The following WARS2 variants were observed in gnomAD, a reference collection of about 807,000 sequenced individuals.
The protein encoded by WARS2 is tryptophanyl tRNA synthetase 2, mitochondrial.
A neutral mutation model predicts 36.5 loss-of-function variants in WARS2; 28 were observed. That is an observed-to-expected ratio of 0.77 (90% CI 0.57 to 1.05). The LOEUF (loss-of-function observed/expected upper bound fraction) is 1.05, where lower values mean the gene tolerates loss of function less well. WARS2 is among the 50% of genes least tolerant of loss of function. The pLI is 0.00. For synonymous variants in WARS2, 174 were observed against 178.4 expected, an observed-to-expected ratio of 0.98 and a Z score of 0.20; for missense variants, 435 against 456.8, an observed-to-expected ratio of 0.95 and a Z score of 0.44.
At chr1:119,087,037 C>T (rs1652723982) in intron 1 of WARS2, among the ~76,000 whole-genome samples, 1 of 152,072 alleles carries the variant, frequency 6.6e-6, no homozygotes, top group African/African-American at 2.4e-5. Context: ...CCAAACACAC[C>T]CACACCTGTT....
intron 1 of WARS2, among the ~76,000 whole-genome samples, chr1:119,137,537 A>G (rs1182180342): frequency 6.6e-6 from 1 of 152,154 alleles, no homozygotes; most frequent in Non-Finnish European, 1.5e-5. Context: ...TCTACTAACC[A>G]TCAATATTTC....
intron 1 of WARS2, among the ~76,000 whole-genome samples, chr1:119,105,095 A>G (rs1654140702): frequency 6.6e-6 from 1 of 152,190 alleles, no homozygotes; most frequent in South Asian, 2.1e-4. Flanking sequence ...TGATTAGGGT[A>G]TTTTTGGCAA....
At chr1:119,049,317 C>A (rs554284580) in intron 2 of WARS2, among the ~76,000 whole-genome samples, 1 of 152,280 alleles carries the variant, frequency 6.6e-6, no homozygotes, top group Non-Finnish European at 1.5e-5. Flanking sequence ...CCCCCATCTG[C>A]TGTTTTCTCC....
intron 2 of WARS2, among the ~76,000 whole-genome samples, chr1:119,051,629 T>G (rs545602349): frequency 2.3e-3 from 347 of 152,296 alleles, no homozygotes; most frequent in African/African-American, 8.0e-3. Context: ...CTTTCCACAA[T>G]GGTTGAACTA....
intron 1 of WARS2, among the ~76,000 whole-genome samples, chr1:119,113,315 T>G (rs1003930493): frequency 2.0e-5 from 3 of 152,128 alleles, no homozygotes; most frequent in Non-Finnish European, 4.4e-5. Flanking sequence ...AGTTGCCCCC[T>G]GTAAGAGTCA....
At chr1:119,042,707 C>A (rs1437137419) in intron 3 of WARS2, among the ~76,000 whole-genome samples, 1 of 152,108 alleles carries the variant, frequency 6.6e-6, no homozygotes, top group African/African-American at 2.4e-5. Flanking sequence ...GAAATTAAAT[C>A]TCTACAAATT....
chr1:119,099,210 C>T (rs921699211), intron 1 of WARS2, among the ~76,000 whole-genome samples: 3 of 152,110 alleles, frequency 2.0e-5, no homozygotes, highest in African/African-American at 4.8e-5. Context: ...ACATACCCCA[C>T]GAGACACCCA....
intron 2 of WARS2, among the ~76,000 whole-genome samples, chr1:119,060,800 C>T (rs1357021355): frequency 1.2e-4 from 19 of 152,200 alleles, no homozygotes; most frequent in Admixed American, 4.6e-4. Flanking sequence ...AACCTGCATT[C>T]TTACTGGCTT....
chr1:119,102,704 A>C (rs587616880), intron 1 of WARS2, among the ~76,000 whole-genome samples: 1 of 151,982 alleles, frequency 6.6e-6, no homozygotes, highest in South Asian at 2.1e-4. Context: ...CACCACTTTA[A>C]CTCTCTATAA....
intron 1 of WARS2, among the ~76,000 whole-genome samples, chr1:119,079,406 G>GA (rs928704677): frequency 4.2e-4 from 64 of 150,962 alleles, no homozygotes; most frequent in African/African-American, 1.4e-3. Context: ...AGTCTCAAGA[G>GA]AAAAAAAAAC....
At chr1:119,100,149 C>A (rs1653755551) in intron 1 of WARS2, among the ~76,000 whole-genome samples, 1 of 151,910 alleles carries the variant, frequency 6.6e-6, no homozygotes, top group African/African-American at 2.4e-5. Flanking sequence ...GAAAGGAAAT[C>A]AATAGATATT....
At chr1:119,136,188 T>C (rs1483413778) in intron 1 of WARS2, among the ~76,000 whole-genome samples, 1 of 152,148 alleles carries the variant, frequency 6.6e-6, no homozygotes, top group Non-Finnish European at 1.5e-5. Flanking sequence ...CTTCTGTAAC[T>C]TGCAGTCATT....
At chr1:119,085,683 A>C (rs1259493322) in intron 1 of WARS2, 1 of 1,443,748 alleles carries the variant, frequency 6.9e-7, no homozygotes, top group Non-Finnish European at 9.8e-7. Flanking sequence ...AATGGCCAGA[A>C]TTGTGCTCCT....
At chr1:119,117,947 A>G (rs1420599719) in intron 1 of WARS2, among the ~76,000 whole-genome samples, 1 of 152,200 alleles carries the variant, frequency 6.6e-6, no homozygotes, top group African/African-American at 2.4e-5. Context: ...TGAGTTCCAT[A>G]TCTTTCCACT....
Position 119,031,710 on chromosome 1 carries a change from ATTACT to A in WARS2, c.*1196_*1200del, listed in dbSNP as rs1647440551. On this transcript the variant is annotated 3_prime_UTR_variant, in exon 6 of 6. Transcript: ENST00000235521. The stretch of plus-strand genomic sequence containing the variant: ...CAGAAAAGCTAGGTTTCAGGGTGAC[ATTACT>A]TAACTGAGGTAGAGGCAAGATGAGA... 2 of 152,258 alleles carry A rather than the reference ATTACT, an allele frequency of 1.3e-5. No homozygotes were observed. The highest frequency in any genetic ancestry group is 6.5e-5 in the Admixed American group (1 of 15,280). The allele number at this position is 152,258 out of a possible 1,614,324, so 9.4% of individuals were successfully genotyped here. A position where few individuals can be genotyped will look rare whatever the true frequency, so the allele number is the denominator to read the frequency against.
intron 2 of WARS2, among the ~76,000 whole-genome samples, chr1:119,052,242 G>A (rs1376547192): frequency 2.0e-5 from 3 of 152,086 alleles, no homozygotes; most frequent in Non-Finnish European, 4.4e-5. Flanking sequence ...AAATCTCTGT[G>A]TCCCTTAAGA....
intron 2 of WARS2, among the ~76,000 whole-genome samples, chr1:119,061,395 C>A (rs1410310909): frequency 2.0e-5 from 3 of 151,976 alleles, no homozygotes; most frequent in Admixed American, 2.0e-4. Context: ...AATAAAGATA[C>A]TAGAATAAAA....
intron 1 of WARS2, among the ~76,000 whole-genome samples, chr1:119,090,548 A>G (rs1186853759): frequency 6.6e-6 from 1 of 152,106 alleles, no homozygotes; most frequent in Non-Finnish European, 1.5e-5. Context: ...TTTTTAAAAA[A>G]CGCATGTCAT....
chr1:119,098,106 G>A (rs1341810693), intron 1 of WARS2, among the ~76,000 whole-genome samples: 3 of 152,008 alleles, frequency 2.0e-5, no homozygotes, highest in East Asian at 2.0e-4. Context: ...AAAATTAGCC[G>A]AGCATGGTGG....
Sources: allele counts gnomAD v4.1 joint callset (sites outside exome capture counted in the v4.1 genomes callset), GRCh38; gene constraint gnomAD v4.1.1; transcripts MANE v1.5; gene names NCBI Gene and HGNC (gene_info 2026-07-23, HGNC 2026-07-21).